Variants in GNAI2 observed in about 807,000 individuals in gnomAD.
The protein encoded by GNAI2 is guanine nucleotide-binding protein G(i) subunit alpha-2.
A neutral mutation model predicts 36.8 loss-of-function variants in GNAI2; 4 were observed. That is an observed-to-expected ratio of 0.11 (90% CI 0.05 to 0.25). The LOEUF (loss-of-function observed/expected upper bound fraction) is 0.25, where lower values mean the gene tolerates loss of function less well. Ranked by LOEUF, GNAI2 falls within the 10% of genes least tolerant of loss-of-function variation. GNAI2 has a pLI of 1.00. For synonymous variants in GNAI2, 194 were observed against 194.1 expected (o/e 1.00, Z 0.01); for missense variants, 230 against 481.3 (o/e 0.48, Z 4.89).
rs1700587188 is a variant in GNAI2, at chr3:50,252,572, C to G, written c.303+34C>G. 2 of 1,587,448 alleles carry G rather than the reference C, an allele frequency of 1.3e-6. No homozygotes were observed. Among genetic ancestry groups the G allele is most frequent in the African/African-American group, 1.3e-5 (1 of 74,430 alleles). ...CCTCCGCCCCACCCTCTCCCACCTCCCAAAAGGTTTCGGGGTGGCTGGTTG... is the reference window on the plus strand; with the variant it reads ...CCTCCGCCCCACCCTCTCCCACCTCGCAAAAGGTTTCGGGGTGGCTGGTTG... On this transcript the variant is annotated intron_variant, in intron 3 of 8. Coordinates refer to ENST00000313601, the MANE Select transcript of GNAI2 (RefSeq NM_002070.4). This position sits in a 1 kb window ranked among gnomAD's most constrained non-coding sequence, Gnocchi z 4.1.
At chr3:50,247,228 G>A in intron 1 of GNAI2, among the ~76,000 whole-genome samples, 1 of 152,210 alleles carries the variant, frequency 6.6e-6, no homozygotes, top group East Asian at 1.9e-4. Flanking sequence ...TCACAGATGA[G>A]GTGCCAGAGA....
At chr3:50,251,198 T>C (rs1553702396) in intron 1 of GNAI2, 1 of 196,374 alleles carries the variant, frequency 5.1e-6, no homozygotes, top group African/African-American at 2.4e-5. Flanking sequence ...CCAGGCATCA[T>C]GGGTTCCCTC....
Position 50,236,229 on chromosome 3 carries a change from T to A in GNAI2, c.-107T>A, listed in dbSNP as rs1700162862. 8.4e-7 allele frequency: 1 copy of A among 1,190,716 alleles called. No individual in the cohort carries two copies. The highest frequency in any genetic ancestry group is 1.0e-6 in the Non-Finnish European group (1 of 961,842). The allele number at this position is 1,190,716 out of a possible 1,614,324, so 73.8% of individuals were successfully genotyped here. ...AGTCGCTCGGAACTGCCGACCCGAGTGCTTCCCGCAGAGGGCTGGTGGTGG... is the reference window on the plus strand; with the variant it reads ...AGTCGCTCGGAACTGCCGACCCGAGAGCTTCCCGCAGAGGGCTGGTGGTGG... On this transcript the variant is annotated 5_prime_UTR_variant, in exon 1 of 9. Transcript: ENST00000313601. The surrounding 1 kb of genome is among the most constrained non-coding windows in gnomAD (Gnocchi z 4.0).
intron 1 of GNAI2, among the ~76,000 whole-genome samples, chr3:50,248,640 C>T (rs956261362): frequency 6.6e-6 from 1 of 152,160 alleles, no homozygotes; most frequent in African/African-American, 2.4e-5. Context: ...CACTACTTCC[C>T]GCCTGAGTCA....
chr3:50,227,857 G>T (rs1438074076), upstream of GNAI2, among the ~76,000 whole-genome samples: 1 of 152,184 alleles, frequency 6.6e-6, no homozygotes, highest in Non-Finnish European at 1.5e-5. This position sits in a 1 kb window ranked among gnomAD's most constrained non-coding sequence, Gnocchi z 5.9. Flanking sequence ...GCAAAATGCC[G>T]TCCTGGTGAG....
At chr3:50,245,931 CAG>C (rs1373758458) in intron 1 of GNAI2, among the ~76,000 whole-genome samples, 4 of 152,244 alleles carry the variant, frequency 2.6e-5, no homozygotes, top group Admixed American at 6.5e-5. Flanking sequence ...AGCCGAGTGC[CAG>C]AGACTGGCGG....
intron 1 of GNAI2, among the ~76,000 whole-genome samples, chr3:50,247,561 C>G (rs1700452579): frequency 6.6e-6 from 1 of 152,238 alleles, no homozygotes; most frequent in South Asian, 2.1e-4. Context: ...TGCAGGGGCC[C>G]TGCTGGTCTT....
chr3:50,249,296 C>G (rs1228221377), intron 1 of GNAI2, among the ~76,000 whole-genome samples: 1 of 152,170 alleles, frequency 6.6e-6, no homozygotes, highest in Non-Finnish European at 1.5e-5. Flanking sequence ...GTGGGGAAGA[C>G]AGTCAGGTAG....
chr3:50,228,318 G>A (rs1364400509), upstream of GNAI2, among the ~76,000 whole-genome samples: 2 of 152,200 alleles, frequency 1.3e-5, no homozygotes, highest in Non-Finnish European at 2.9e-5. Context: ...CTGGGAGGCC[G>A]AGGTGGGCGG....
upstream of GNAI2, chr3:50,229,496 A>T (rs1018312298): frequency 1.8e-4 from 28 of 152,174 alleles, no homozygotes; most frequent in Admixed American, 1.8e-3. Flanking sequence ...TGGTGCCCCT[A>T]CCTCAGCATC....
chr3:50,258,043 G>A (rs1470468928), intron 8 of GNAI2: 2 of 218,554 alleles, frequency 9.2e-6, no homozygotes, highest in African/African-American at 2.3e-5. Flanking sequence ...CCAGCCTGCC[G>A]GAAGCTGCAT....
chr3:50,250,075 C>T (rs587707352), intron 1 of GNAI2, among the ~76,000 whole-genome samples: 4 of 152,284 alleles, frequency 2.6e-5, no homozygotes, highest in South Asian at 4.1e-4. Context: ...GCAGAGGGGA[C>T]TCTAACCCTG....
chr3:50,251,564 G>A, intron 1 of GNAI2: 10 of 1,201,486 alleles, frequency 8.3e-6, no homozygotes, highest in Non-Finnish European at 1.1e-5. Context: ...TGAGCAGAGG[G>A]CGGGGCATTG....
upstream of GNAI2, among the ~76,000 whole-genome samples, chr3:50,232,686 A>T (rs587718885): frequency 2.0e-5 from 3 of 152,300 alleles, no homozygotes; most frequent in Admixed American, 6.5e-5. Context: ...CAAGGGGGTG[A>T]TGTGATTTCT....
chr3:50,258,773 TC>T lies in GNAI2; in HGVS notation c.*435del, dbSNP rs1269401432. The T allele has an allele frequency of 2.7e-6, 1 of 376,674 alleles. No individual in the cohort carries two copies. The highest frequency in any genetic ancestry group is 5.1e-6 in the Non-Finnish European group (1 of 196,970). The allele number at this position is 376,674 out of a possible 1,614,324, so 23.3% of individuals were successfully genotyped here. A position where few individuals can be genotyped will look rare whatever the true frequency, so the allele number is the denominator to read the frequency against. On this transcript the variant is annotated 3_prime_UTR_variant, in exon 9 of 9. Coordinates refer to ENST00000313601, the MANE Select transcript of GNAI2 (RefSeq NM_002070.4). ...TGTTTACAGGGAGCCTCCTGCCCAG[TC>T]CCCCAACCCCAGCCGCTCGGAGGCC...
intron 5 of GNAI2, 135 bp downstream of exon 5, chr3:50,256,455 C>T: frequency 1.2e-6 from 1 of 836,486 alleles, no homozygotes; most frequent in Non-Finnish European, 2.0e-6. Context: ...AGCACATCCT[C>T]ACCACCTAGT....
chr3:50,252,273 C>A lies in GNAI2; in HGVS notation c.162-124C>A. The stretch of plus-strand genomic sequence containing the variant: ...CAGAATCTTCTGAGAAGCAGAAGGA[C>A]CCTCAGGTCCCAGTGGGTCAGGGGC... On this transcript the variant is annotated intron_variant, in intron 2 of 8. Coordinates refer to ENST00000313601, the MANE Select transcript of GNAI2 (RefSeq NM_002070.4). The surrounding 1 kb of genome is among the most constrained non-coding windows in gnomAD (Gnocchi z 4.1). The A allele has an allele frequency of 2.2e-6, 3 of 1,385,630 alleles. No individual in the cohort carries two copies. In the South Asian group the frequency reaches 3.6e-5, roughly 17 times the overall value. 85.8% of individuals were successfully genotyped at this position (1,385,630 alleles called of 1,614,324 possible).
At chr3:50,234,212 G>A (rs1161596055), upstream of GNAI2, among the ~76,000 whole-genome samples, 1 of 151,080 alleles carries the variant, frequency 6.6e-6, no homozygotes, top group Non-Finnish European at 1.5e-5. Context: ...TACTACAGGC[G>A]CCCGCCACCA....
chr3:50,256,086 C>A, intron 4 of GNAI2, 106 bp from the exon 5 acceptor site: 2 of 351,870 alleles, frequency 5.7e-6, no homozygotes, highest in East Asian at 7.6e-5. Flanking sequence ...AAGGGCTGTG[C>A]TTGAGAAATG....
Sources: gnomAD v4.1 joint callset for allele counts (sites outside exome capture counted in the v4.1 genomes callset) on GRCh38, gnomAD v4.1.1 for gene constraint, Gnocchi (gnomAD v3.1) non-coding constraint, MANE v1.5 for transcripts, NCBI Gene and HGNC (gene_info 2026-07-23, HGNC 2026-07-21) for gene names.